Variants in PIP5K1C observed in about 807,000 individuals in gnomAD.
The protein encoded by PIP5K1C is phosphatidylinositol 4-phosphate 5-kinase type-1 gamma.
Under a neutral mutation model 80.1 loss-of-function variants are expected in PIP5K1C, and 45 were observed. That is an observed-to-expected ratio of 0.56 (90% CI 0.44 to 0.72). PIP5K1C has a LOEUF of 0.72. Among genes scored for constraint, PIP5K1C ranks in the 30% least tolerant of loss-of-function variants. The pLI is 0.00. For synonymous variants in PIP5K1C, 498 were observed against 420.1 expected, an observed-to-expected ratio of 1.19 and a Z score of -2.27; for missense variants, 753 against 954.6, an observed-to-expected ratio of 0.79 and a Z score of 2.78.
intron 5 of PIP5K1C, among the ~76,000 whole-genome samples, chr19:3,659,754 G>A (rs1379721447): frequency 6.6e-6 from 1 of 152,154 alleles, no homozygotes; most frequent in African/African-American, 2.4e-5. Flanking sequence ...ACCCCTGGCT[G>A]GAGCACATGC....
Position 3,638,936 on chromosome 19 carries a change from G to T in PIP5K1C, c.1868C>A (p.Pro623His). 6.2e-7 allele frequency: 1 copy of T among 1,612,552 alleles called. No homozygotes were observed. Among genetic ancestry groups the T allele is most frequent in the Non-Finnish European group, 8.5e-7 (1 of 1,179,908 alleles). The part of the protein sequence containing the change: ...ASQASDEEGA[P>H]ASQASDEEDA... Reference sequence around the variant, plus strand: ...CTCCTCGTCCGAGGCCTGGCTGGCAGGTGCGCCCTCCTCGTCTGAGGCCTG... The same window carrying T: ...CTCCTCGTCCGAGGCCTGGCTGGCATGTGCGCCCTCCTCGTCTGAGGCCTG... Residue 623 changes from proline to histidine, a missense_variant, in exon 16 of 18, where the codon CCT becomes CAT. Physicochemically the swap from Pro to His is moderately conservative, Grantham distance 77 (BLOSUM62 -2). Transcript: ENST00000335312.
chr19:3,630,736 C>T lies in PIP5K1C; in HGVS notation c.*2431G>A, dbSNP rs1168665600. The T allele has an allele frequency of 5.3e-5, 8 of 152,272 alleles. No individual in the cohort carries two copies. The allele number at this position is 152,272 out of a possible 1,614,324, so 9.4% of individuals were successfully genotyped here. On this transcript the variant is annotated 3_prime_UTR_variant, in exon 18 of 18. Transcript: ENST00000335312. ...CAAACGCCTTTTAGTCTTTACAGTA[C>T]AGGAATTTGGACACTGCCCACGTTC...
intron 1 of PIP5K1C, among the ~76,000 whole-genome samples, chr19:3,699,421 C>A (rs1473457606): frequency 6.6e-6 from 1 of 152,198 alleles, no homozygotes; most frequent in Non-Finnish European, 1.5e-5. Context: ...GCCCGCCCGC[C>A]CGCTTGCCCG....
chr19:3,645,824 G>A (rs930454053), intron 11 of PIP5K1C, 150 bp downstream of exon 11: 23 of 743,654 alleles, frequency 3.1e-5, no homozygotes, highest in Admixed American at 9.5e-5. Context: ...CCCTACCTCC[G>A]GATGAGGCCC....
At chr19:3,661,341 C>T (rs893972695) in intron 4 of PIP5K1C, among the ~76,000 whole-genome samples, 1 of 152,232 alleles carries the variant, frequency 6.6e-6, no homozygotes, top group Non-Finnish European at 1.5e-5. Flanking sequence ...AGGACCATGC[C>T]GCCCCAGCCT....
chr19:3,682,461 C>T (rs549409734), intron 1 of PIP5K1C, among the ~76,000 whole-genome samples: 1 of 151,866 alleles, frequency 6.6e-6, no homozygotes, highest in Admixed American at 6.6e-5. Context: ...GGGAGGATTG[C>T]TTGAGCCCAG....
chr19:3,633,529 TGGGCGCGCGTGCAGGA>T lies in PIP5K1C; in HGVS notation c.1921-25_1921-10del, dbSNP rs2033540229. 2 of 1,480,386 alleles carry T rather than the reference TGGGCGCGCGTGCAGGA, an allele frequency of 1.4e-6. No homozygotes were observed. Among genetic ancestry groups the T allele is most frequent in the Non-Finnish European group, 1.8e-6 (2 of 1,110,046 alleles). 91.7% of individuals were successfully genotyped at this position (1,480,386 alleles called of 1,614,324 possible). On this transcript the variant is annotated splice_polypyrimidine_tract_variant and intron_variant, in intron 16 of 17. Transcript: ENST00000335312. ...CTCCTCTCATCGGTGGGCTGGCAGG[TGGGCGCGCGTGCAGGA>T]GGGCGCGGAAGAGCAGGGTGCGAGG...
In PIP5K1C at chr19:3,633,058, G is replaced by A. The variant is rs1270230629; in HGVS notation, c.*109C>T. 18 of 678,506 alleles carry A rather than the reference G, an allele frequency of 2.7e-5. No homozygotes were observed. Among genetic ancestry groups the A allele is most frequent in the East Asian group, 2.2e-4 (8 of 36,252 alleles). 42.0% of individuals were successfully genotyped at this position (678,506 alleles called of 1,614,324 possible). On this transcript the variant is annotated 3_prime_UTR_variant, in exon 18 of 18. Transcript: ENST00000335312. ...GGGGGAGGACGAGGTCCGGTGGGGC[G>A]GCGAGGCGGGCATCTCCCGAGCTCT...
rs1301635311 is a variant in PIP5K1C at position 3,637,253 on chromosome 19, G to T, written c.1920+1631C>A. The T allele has an allele frequency of 5.5e-6, 8 of 1,458,150 alleles. No homozygotes were observed. The highest frequency in any genetic ancestry group is 7.2e-6 in the Non-Finnish European group (8 of 1,108,090). 90.3% of individuals were successfully genotyped at this position (1,458,150 alleles called of 1,614,324 possible). A position where few individuals can be genotyped will look rare whatever the true frequency, so the allele number is the denominator to read the frequency against. On this transcript the variant is annotated intron_variant, in intron 16 of 17. Coordinates refer to ENST00000335312, the MANE Select transcript of PIP5K1C (RefSeq NM_012398.3). This position sits in a 1 kb window ranked among gnomAD's most constrained non-coding sequence, Gnocchi z 7.0. ...AGGGGCTCGCTGGGGTCTGGCCGGGGTCCGAAGCAGACCCTGGGCCTCAGC... is the reference window on the plus strand; with the variant it reads ...AGGGGCTCGCTGGGGTCTGGCCGGGTTCCGAAGCAGACCCTGGGCCTCAGC...
intron 1 of PIP5K1C, among the ~76,000 whole-genome samples, chr19:3,684,219 A>G (rs981444749): frequency 1.3e-5 from 2 of 152,190 alleles, no homozygotes; most frequent in African/African-American, 4.8e-5. Flanking sequence ...CCAGTCACGC[A>G]TGAGCATTTC....
intron 14 of PIP5K1C, among the ~76,000 whole-genome samples, chr19:3,642,501 A>T (rs1276347672): frequency 2.0e-5 from 3 of 152,208 alleles, no homozygotes; most frequent in Non-Finnish European, 4.4e-5. Flanking sequence ...TCAAAATAAA[A>T]GGGAACCACA....
intron 1 of PIP5K1C, among the ~76,000 whole-genome samples, chr19:3,677,864 A>AGAGG (rs1157978515): frequency 1.4e-4 from 2 of 14,000 alleles, no homozygotes; most frequent in African/African-American, 6.1e-4. Context: ...AGGGATAGAG[A>AGAGG]GAGGGAGGGA....
chr19:3,656,366 G>A lies in PIP5K1C; in HGVS notation c.621+39C>T, dbSNP rs749571037. On this transcript the variant is annotated intron_variant, in intron 6 of 17. Coordinates refer to ENST00000335312, the MANE Select transcript of PIP5K1C (RefSeq NM_012398.3). ...TCCCGCCAGCCGGGAGAAGGGGGTTGACCGAGGAGCCATCTGCCCCGCAGG... is the reference window on the plus strand; with the variant it reads ...TCCCGCCAGCCGGGAGAAGGGGGTTAACCGAGGAGCCATCTGCCCCGCAGG... 8 of 1,610,674 alleles carry A rather than the reference G, an allele frequency of 5.0e-6. No homozygotes were observed. The South Asian group carries it at 8.8e-5, about 18-fold the overall frequency.
intron 14 of PIP5K1C, 79 bp from the exon 15 acceptor site, chr19:3,641,888 C>G (rs1737152428): frequency 8.8e-7 from 1 of 1,142,808 alleles, no homozygotes; most frequent in African/African-American, 1.5e-5. Flanking sequence ...CAGTGAACTC[C>G]AGGGCCAGTC....
chr19:3,664,676 C>G, intron 3 of PIP5K1C, 146 bp downstream of exon 3: 1 of 763,192 alleles, frequency 1.3e-6, no homozygotes, highest in Non-Finnish European at 2.3e-6. Context: ...AGGACTCCAG[C>G]CTCTGCCTCC....
intron 16 of PIP5K1C, among the ~76,000 whole-genome samples, chr19:3,638,269 C>T (rs1034654761): frequency 6.6e-6 from 1 of 152,158 alleles, no homozygotes; most frequent in Non-Finnish European, 1.5e-5. Flanking sequence ...CAGACCCTGG[C>T]AAGGGAGAGC....
intron 12 of PIP5K1C, 109 bp from the exon 13 acceptor site, chr19:3,643,490 C>T: frequency 1.5e-6 from 2 of 1,353,046 alleles, no homozygotes; most frequent in South Asian, 2.5e-5. Flanking sequence ...CCAGTGCCCG[C>T]CCGCCTCCCA....
chr19:3,688,023 C>A lies in PIP5K1C; in HGVS notation c.94+12274G>T, dbSNP rs1254149828. On this transcript the variant is annotated intron_variant, in intron 1 of 17. Coordinates refer to ENST00000335312, the MANE Select transcript of PIP5K1C (RefSeq NM_012398.3). This position sits in a 1 kb window ranked among gnomAD's most constrained non-coding sequence, Gnocchi z 5.3. The stretch of plus-strand genomic sequence containing the variant: ...AGGAGGCTGTGGGGCGTGGCCAGCC[C>A]GCAGGTGGCGGGGCCGACGGGATGG... Among the ~76,000 whole-genome samples the A allele has an allele frequency of 6.6e-6, 1 of 152,182 alleles. No homozygotes were observed. The highest frequency in any genetic ancestry group is 2.4e-5 in the African/African-American group (1 of 41,444).
chr19:3,641,435 C>T (rs2033956179), intron 15 of PIP5K1C, among the ~76,000 whole-genome samples: 1 of 152,116 alleles, frequency 6.6e-6, no homozygotes, highest in Non-Finnish European at 1.5e-5. Flanking sequence ...GCGTCCCTGG[C>T]CTCCACCCAC....
Sources: gnomAD v4.1 joint callset for allele counts (sites outside exome capture counted in the v4.1 genomes callset) on GRCh38, gnomAD v4.1.1 for gene constraint, Gnocchi (gnomAD v3.1) non-coding constraint, MANE v1.5 for transcripts, NCBI Gene and HGNC (gene_info 2026-07-23, HGNC 2026-07-21) for gene names.